Variants in AFG2A observed in about 807,000 individuals in gnomAD.
AFG2A encodes the protein AAA ATPase AFG2A, also known as ATPase family gene 2 protein homolog A.
At chr4:123,043,932 T>A in the AFG2A span, among the ~76,000 whole-genome samples, 1 of 152,184 alleles carries the variant, frequency 6.6e-6, no homozygotes, top group African/African-American at 2.4e-5. Context: ...AGGCAAAATA[T>A]CTTGAGCATT....
chr4:123,124,592 C>T, the AFG2A span, among the ~76,000 whole-genome samples: 4 of 152,048 alleles, frequency 2.6e-5, no homozygotes, highest in African/African-American at 9.7e-5. Flanking sequence ...ACATGTGTAA[C>T]AAACCTGCAC....
the AFG2A span, among the ~76,000 whole-genome samples, chr4:123,007,568 ATGTGTGTGTGTGTGTGTGTGTGTGTGT>A: frequency 1.1e-5 from 1 of 91,736 alleles, no homozygotes; most frequent in Non-Finnish European, 2.0e-5. Context: ...GTGTGTGTAT[ATGTGTGTGTGTGTGTGTGTGTGTGTGT>A]GTGTGTGTGT....
At chr4:123,263,969 C>G in the AFG2A span, among the ~76,000 whole-genome samples, 2 of 152,184 alleles carry the variant, frequency 1.3e-5, no homozygotes, top group Non-Finnish European at 2.9e-5. Context: ...AAATGCCCAT[C>G]AATCAACAAG....
chr4:122,939,357 C>T, the AFG2A span, among the ~76,000 whole-genome samples: 1 of 152,090 alleles, frequency 6.6e-6, no homozygotes, highest in East Asian at 1.9e-4. Flanking sequence ...GCTGGGATTA[C>T]AGGCGTGAGC....
chr4:123,155,984 C>T, the AFG2A span, among the ~76,000 whole-genome samples: 2 of 152,174 alleles, frequency 1.3e-5, no homozygotes, highest in Non-Finnish European at 1.5e-5. Flanking sequence ...ATTGAATTGG[C>T]TCATGGTTCT....
the AFG2A span, among the ~76,000 whole-genome samples, chr4:123,076,365 T>C: frequency 1.3e-5 from 2 of 152,166 alleles, no homozygotes; most frequent in Admixed American, 6.6e-5. Context: ...TTTTCCTTAT[T>C]TTCTGATGAG....
chr4:123,116,711 G>T, the AFG2A span, among the ~76,000 whole-genome samples: 3 of 152,170 alleles, frequency 2.0e-5, no homozygotes, highest in Admixed American at 2.0e-4. Flanking sequence ...GATAAAAGAG[G>T]CTTTAGAGAC....
the AFG2A span, among the ~76,000 whole-genome samples, chr4:123,152,084 A>C: frequency 6.6e-6 from 1 of 150,994 alleles, no homozygotes; most frequent in Non-Finnish European, 1.5e-5. Flanking sequence ...CAATGAGAAC[A>C]CATGGACACA....
At chr4:123,091,350 T>G in the AFG2A span, among the ~76,000 whole-genome samples, 2 of 152,246 alleles carry the variant, frequency 1.3e-5, no homozygotes, top group Non-Finnish European at 2.9e-5. Flanking sequence ...TACATTTTTA[T>G]TGCTTATGAT....
chr4:123,191,361 CTTTTT>C, the AFG2A span, among the ~76,000 whole-genome samples: 1 of 142,818 alleles, frequency 7.0e-6, no homozygotes, highest in Non-Finnish European at 1.5e-5. Context: ...ACTCTGGACT[CTTTTT>C]TTTTTTTTGG....
chr4:123,144,992 G>A, the AFG2A span, among the ~76,000 whole-genome samples: 3 of 151,912 alleles, frequency 2.0e-5, no homozygotes, highest in Non-Finnish European at 4.4e-5. Flanking sequence ...AGAACATACA[G>A]GCTAGAAGAT....
chr4:123,169,770 C>T, the AFG2A span, among the ~76,000 whole-genome samples: 8 of 152,124 alleles, frequency 5.3e-5, no homozygotes, highest in East Asian at 1.4e-3. Flanking sequence ...TGTGAGCCAC[C>T]GCGCCCGGCC....
chr4:122,945,953 T>C, the AFG2A span, among the ~76,000 whole-genome samples: 39 of 152,226 alleles, frequency 2.6e-4, no homozygotes, highest in Non-Finnish European at 7.3e-5. Flanking sequence ...ACTAACTGGT[T>C]CTCAGTCTTG....
At chr4:123,234,953 T>C in the AFG2A span, among the ~76,000 whole-genome samples, 1 of 152,200 alleles carries the variant, frequency 6.6e-6, no homozygotes, top group Non-Finnish European at 1.5e-5. Context: ...TAAAGGAGTT[T>C]TATGTAAACT....
the AFG2A span, among the ~76,000 whole-genome samples, chr4:122,962,132 T>A: frequency 6.6e-6 from 1 of 152,230 alleles, no homozygotes; most frequent in Non-Finnish European, 1.5e-5. Flanking sequence ...GGAGAATTAA[T>A]GCTACTGCTG....
chr4:123,077,616 G>C, the AFG2A span, among the ~76,000 whole-genome samples: 1 of 152,136 alleles, frequency 6.6e-6, no homozygotes, highest in Non-Finnish European at 1.5e-5. Context: ...TGGGCCATAT[G>C]GATATCTGCA....
the AFG2A span, among the ~76,000 whole-genome samples, chr4:123,198,651 G>A: frequency 6.6e-6 from 1 of 152,058 alleles, no homozygotes; most frequent in Non-Finnish European, 1.5e-5. Flanking sequence ...CCTTAGGATT[G>A]GGTCCTTTAA....
chr4:123,278,901 C>T, the AFG2A span, among the ~76,000 whole-genome samples: 1 of 152,202 alleles, frequency 6.6e-6, no homozygotes, highest in Non-Finnish European at 1.5e-5. Context: ...TTGGTATGTA[C>T]ATTCCAGAAA....
At chr4:122,923,571 A>G in the AFG2A span, among the ~76,000 whole-genome samples, 1 of 152,212 alleles carries the variant, frequency 6.6e-6, no homozygotes. Flanking sequence ...GTTGCACTTG[A>G]AACGCTTTGT....
Sources: gnomAD v4.1 joint callset for allele counts (sites outside exome capture counted in the v4.1 genomes callset) on GRCh38, gnomAD v4.1.1 for gene constraint, MANE v1.5 for transcripts, NCBI Gene and HGNC (gene_info 2026-07-23, HGNC 2026-07-21) for gene names.